Variants in MTHFD2L observed in about 807,000 individuals in gnomAD.
MTHFD2L encodes the protein bifunctional methylenetetrahydrofolate dehydrogenase/cyclohydrolase 2, mitochondrial.
Under a neutral mutation model 34.9 loss-of-function variants are expected in MTHFD2L, and 29 were observed. The observed-to-expected ratio is 0.83, with a 90% CI of 0.62 to 1.13. The LOEUF (loss-of-function observed/expected upper bound fraction) is 1.13. MTHFD2L is among the 50% of genes most tolerant of loss of function. The pLI is 0.00. For synonymous variants in MTHFD2L, 167 were observed against 155.7 expected, an observed-to-expected ratio of 1.07 and a Z score of -0.54; for missense variants, 481 against 446.5, an observed-to-expected ratio of 1.08 and a Z score of -0.70.
chr4:74,277,507 G>T (rs1435108246), intron 6 of MTHFD2L, among the ~76,000 whole-genome samples: 1 of 152,046 alleles, frequency 6.6e-6, no homozygotes, highest in East Asian at 1.9e-4. Flanking sequence ...AAGAGCTGGG[G>T]CAGCCAAGGT....
intron 1 of MTHFD2L, among the ~76,000 whole-genome samples, chr4:74,171,903 G>T (rs1403493266): frequency 1.3e-5 from 2 of 149,804 alleles, no homozygotes; most frequent in Non-Finnish European, 3.0e-5. Context: ...AAACTGGAAA[G>T]AACCCGAATA....
At chr4:74,206,144 A>AT (rs901668906) in intron 5 of MTHFD2L, among the ~76,000 whole-genome samples, 15 of 152,064 alleles carry the variant, frequency 9.9e-5, no homozygotes, top group Non-Finnish European at 1.9e-4. Flanking sequence ...TAAAAAAAAA[A>AT]AAAAGGGAAG....
At chr4:74,122,086 T>A (rs1169102955), upstream of MTHFD2L, among the ~76,000 whole-genome samples, 1 of 152,214 alleles carries the variant, frequency 6.6e-6, no homozygotes, top group Non-Finnish European at 1.5e-5. Context: ...GCAATTCTTT[T>A]TTTTTTCTAG....
At chr4:74,227,079 T>C (rs1438386795) in intron 6 of MTHFD2L, among the ~76,000 whole-genome samples, 3 of 152,120 alleles carry the variant, frequency 2.0e-5, no homozygotes, top group African/African-American at 7.2e-5. Context: ...CTAATGAAGA[T>C]GGCCTCACCT....
chr4:74,255,697 A>G (rs1399849524), intron 6 of MTHFD2L, among the ~76,000 whole-genome samples: 1 of 152,086 alleles, frequency 6.6e-6, no homozygotes, highest in Admixed American at 6.5e-5. Flanking sequence ...CTTTATGTTC[A>G]TGATTACCTA....
chr4:74,152,314 G>A (rs1244342652), intron 1 of MTHFD2L, among the ~76,000 whole-genome samples: 1 of 151,990 alleles, frequency 6.6e-6, no homozygotes, highest in Admixed American at 6.6e-5. Context: ...CTTTATAGTT[G>A]TATTTGATTA....
At chr4:74,220,858 G>T (rs142639322) in intron 5 of MTHFD2L, among the ~76,000 whole-genome samples, 2,629 of 149,416 alleles carry the variant, frequency 0.018, 38 homozygotes, top group Non-Finnish European at 0.027. Context: ...AACTTTTATG[G>T]TTTTTTTTCT....
intron 7 of MTHFD2L, among the ~76,000 whole-genome samples, chr4:74,289,149 A>G (rs529488440): frequency 6.6e-6 from 1 of 152,366 alleles, no homozygotes; most frequent in East Asian, 1.9e-4. Context: ...GGAGACAGAT[A>G]ATAAACAAAT....
chr4:74,271,193 A>G (rs988668440), intron 6 of MTHFD2L, among the ~76,000 whole-genome samples: 2 of 151,962 alleles, frequency 1.3e-5, no homozygotes, highest in Admixed American at 6.6e-5. Context: ...CCATTTGTCA[A>G]TTTGGCTTTT....
chr4:74,148,895 C>A (rs1432075004), intron 1 of MTHFD2L, among the ~76,000 whole-genome samples: 1 of 151,668 alleles, frequency 6.6e-6, no homozygotes, highest in African/African-American at 2.4e-5. Context: ...TTTCTGTATC[C>A]CAAAAGGCTA....
At chr4:74,187,522 A>G (rs898118852) in intron 3 of MTHFD2L, among the ~76,000 whole-genome samples, 2 of 152,222 alleles carry the variant, frequency 1.3e-5, no homozygotes, top group African/African-American at 2.4e-5. Context: ...GTTCAACATC[A>G]TTAGTCATTA....
At chr4:74,245,249 C>T (rs1005623866) in intron 6 of MTHFD2L, among the ~76,000 whole-genome samples, 1 of 147,202 alleles carries the variant, frequency 6.8e-6, no homozygotes, top group African/African-American at 2.5e-5. Context: ...TTAGGTTGGA[C>T]CTTAAAGATT....
intron 6 of MTHFD2L, among the ~76,000 whole-genome samples, chr4:74,249,012 C>T (rs1742911760): frequency 1.3e-5 from 2 of 152,142 alleles, no homozygotes; most frequent in African/African-American, 4.8e-5. Context: ...TGGTGCAGAG[C>T]TGAGTTCAAT....
chr4:74,284,046 C>G (rs986017265), intron 7 of MTHFD2L, among the ~76,000 whole-genome samples: 1 of 152,014 alleles, frequency 6.6e-6, no homozygotes, highest in Non-Finnish European at 1.5e-5. Flanking sequence ...TAACTATAGC[C>G]AAGATAAACA....
chr4:74,168,761 G>C (rs1727290055), intron 1 of MTHFD2L, among the ~76,000 whole-genome samples: 1 of 152,168 alleles, frequency 6.6e-6, no homozygotes, highest in Non-Finnish European at 1.5e-5. Flanking sequence ...CTGCAGTATG[G>C]AAAATGGATT....
chr4:74,226,124 A>G (rs1400023458), intron 6 of MTHFD2L, among the ~76,000 whole-genome samples: 2 of 152,118 alleles, frequency 1.3e-5, no homozygotes, highest in African/African-American at 4.8e-5. Context: ...ATAGATAAAA[A>G]CATAAGTGGC....
At chr4:74,122,493 A>T (rs1171146975), upstream of MTHFD2L, among the ~76,000 whole-genome samples, 1 of 152,176 alleles carries the variant, frequency 6.6e-6, no homozygotes, top group Non-Finnish European at 1.5e-5. Flanking sequence ...CTCCCCCAAC[A>T]CTGGGAATTA....
At chr4:74,284,952 A>C (rs1045427402) in intron 7 of MTHFD2L, among the ~76,000 whole-genome samples, 1 of 152,186 alleles carries the variant, frequency 6.6e-6, no homozygotes, top group Non-Finnish European at 1.5e-5. Flanking sequence ...AATGTCCATC[A>C]ATGTTAGACT....
intron 6 of MTHFD2L, chr4:74,266,853 A>G (rs1009413863): frequency 1.0e-6 from 1 of 985,160 alleles, no homozygotes; most frequent in African/African-American, 1.7e-5. Context: ...ATAAGAGGGG[A>G]ATACTAGGGA....
Sources: gnomAD v4.1 joint callset for allele counts (sites outside exome capture counted in the v4.1 genomes callset) on GRCh38, gnomAD v4.1.1 for gene constraint, MANE v1.5 for transcripts, NCBI Gene and HGNC (gene_info 2026-07-23, HGNC 2026-07-21) for gene names.